Variants in SPAG16 observed in about 807,000 individuals in gnomAD.
SPAG16 encodes sperm-associated antigen 16 protein.
A neutral mutation model predicts 80.4 loss-of-function variants in SPAG16; 86 were observed. The ratio of observed to expected loss-of-function variants is 1.07; its 90% CI spans 0.90 to 1.28. The LOEUF is 1.28. Among genes scored for constraint, SPAG16 ranks in the 50% most tolerant of loss-of-function variants. The pLI, the probability that SPAG16 is intolerant of heterozygous loss-of-function variation, is 0.00. For synonymous variants in SPAG16, 294 were observed against 265.9 expected (o/e 1.11, Z -1.03); for missense variants, 870 against 765.3 (o/e 1.14, Z -1.61).
chr2:213,760,171 G>A (rs1173420415), intron 10 of SPAG16, among the ~76,000 whole-genome samples: 1 of 152,130 alleles, frequency 6.6e-6, no homozygotes. Flanking sequence ...AAAGATCTAT[G>A]TGTGTACAAG....
intron 15 of SPAG16, among the ~76,000 whole-genome samples, chr2:214,189,146 G>A (rs2057576273): frequency 1.3e-5 from 2 of 152,040 alleles, no homozygotes; most frequent in South Asian, 4.1e-4. Flanking sequence ...ACTCCTGTAA[G>A]CTTTTGGCGA....
rs998967320 is a variant in SPAG16, at chr2:213,372,856, A to G, written c.833-2154A>G. 3.3e-5 allele frequency among the ~76,000 whole-genome samples: 5 copies of G among 152,168 alleles called. 1 individual carries two copies. In the South Asian group the frequency reaches 1.0e-3, roughly 32 times the overall value. On this transcript the variant is annotated intron_variant, in intron 8 of 15. Transcript: ENST00000331683. ...TAAGTGCTCAATAAATATTTGTTAA[A>G]TTATGGTATTTATGTCTTTCTGATA...
chr2:213,639,591 G>T (rs1424034565), intron 10 of SPAG16, among the ~76,000 whole-genome samples: 2 of 152,114 alleles, frequency 1.3e-5, no homozygotes, highest in Non-Finnish European at 1.5e-5. Context: ...AGCTTACAGG[G>T]TTTCTGCTGA....
chr2:213,667,874 G>A (rs902491338), intron 10 of SPAG16, among the ~76,000 whole-genome samples: 1 of 151,804 alleles, frequency 6.6e-6, no homozygotes, highest in Non-Finnish European at 1.5e-5. Flanking sequence ...GGTACATAGG[G>A]TAGAGTACAT....
intron 9 of SPAG16, among the ~76,000 whole-genome samples, chr2:213,441,049 T>A (rs1010460744): frequency 6.6e-6 from 1 of 152,206 alleles, no homozygotes; most frequent in Admixed American, 6.5e-5. Context: ...ATGAATAAAT[T>A]GGCATAATTA....
chr2:213,640,920 A>G (rs1260152921), intron 10 of SPAG16, among the ~76,000 whole-genome samples: 2 of 151,786 alleles, frequency 1.3e-5, no homozygotes, highest in African/African-American at 4.9e-5. Flanking sequence ...CTGCAGTAGT[A>G]TAGAGGGGAT....
rs556406083 is a variant in SPAG16 at position 213,632,702 on chromosome 2, AC to A, written c.1070+142613del. On this transcript the variant is annotated intron_variant, in intron 10 of 15. Transcript: ENST00000331683. ...GAAGGAATGTTGAATTTTATCAAATACTTTTACAGCATCAATTGAAATGATC... is the reference window on the plus strand; with the variant it reads ...GAAGGAATGTTGAATTTTATCAAATATTTTACAGCATCAATTGAAATGATC... 1.5e-3 allele frequency among the ~76,000 whole-genome samples: 234 copies of A among 152,002 alleles called. 2 individuals are homozygous for A. Among genetic ancestry groups the A allele is most frequent in the African/African-American group, 5.2e-3 (215 of 41,416 alleles).
intron 9 of SPAG16, among the ~76,000 whole-genome samples, chr2:213,466,460 T>C (rs1207626139): frequency 6.6e-6 from 1 of 152,166 alleles, no homozygotes; most frequent in Non-Finnish European, 1.5e-5. Flanking sequence ...TTAGGTGATA[T>C]AAGGGATGAG....
chr2:214,379,597 C>T (rs1024771780), intron 15 of SPAG16, among the ~76,000 whole-genome samples: 6 of 152,220 alleles, frequency 3.9e-5, no homozygotes, highest in African/African-American at 1.2e-4. Context: ...AGACATCGGA[C>T]ATTCTCCAAA....
At chr2:213,324,621 A>G (rs987362726) in intron 5 of SPAG16, among the ~76,000 whole-genome samples, 1 of 152,182 alleles carries the variant, frequency 6.6e-6, no homozygotes, top group African/African-American at 2.4e-5. Context: ...ATTCTGTTGT[A>G]TAATGTATAC....
intron 13 of SPAG16, among the ~76,000 whole-genome samples, chr2:214,024,802 T>G (rs1042729927): frequency 6.6e-6 from 1 of 151,610 alleles, no homozygotes; most frequent in African/African-American, 2.4e-5. Context: ...TTTTTTGACT[T>G]ATTTGAATTA....
intron 10 of SPAG16, among the ~76,000 whole-genome samples, chr2:213,845,262 G>A (rs2662654): frequency 0.91 from 136,203 of 150,488 alleles, 63,218 homozygotes; most frequent in East Asian, 1. Flanking sequence ...CAGTGGCACA[G>A]TCTCGGCTCA....
intron 12 of SPAG16, among the ~76,000 whole-genome samples, chr2:213,987,715 A>G (rs1232139571): frequency 6.6e-6 from 1 of 151,510 alleles, no homozygotes; most frequent in Admixed American, 6.6e-5. Context: ...CACATTTTCA[A>G]AAGGTATGCA....
intron 15 of SPAG16, among the ~76,000 whole-genome samples, chr2:214,252,872 ACT>A (rs1297902352): frequency 1.3e-5 from 2 of 152,242 alleles, no homozygotes; most frequent in Middle Eastern, 3.4e-3. Flanking sequence ...AAATCGCCAC[ACT>A]GTCTTCCACA....
intron 15 of SPAG16, among the ~76,000 whole-genome samples, chr2:214,346,867 G>A (rs899689961): frequency 3.3e-5 from 5 of 152,046 alleles, no homozygotes; most frequent in African/African-American, 9.7e-5. Flanking sequence ...GATCTCTGTC[G>A]ACATCATTAA....
intron 15 of SPAG16, among the ~76,000 whole-genome samples, chr2:214,251,327 C>T (rs183683095): frequency 1.3e-4 from 20 of 151,552 alleles, no homozygotes; most frequent in Admixed American, 1.2e-3. Flanking sequence ...AGGTCAATTT[C>T]AAGAATTAAA....
intron 1 of SPAG16, among the ~76,000 whole-genome samples, chr2:213,292,677 AAAAAAAACAAAAAAAAAC>A (rs1559377346): frequency 3.9e-5 from 5 of 129,310 alleles, no homozygotes; most frequent in African/African-American, 1.5e-4. Flanking sequence ...AAAAAAAAAC[AAAAAAAACAAAAAAAAAC>A]AAAACTATCA....
intron 10 of SPAG16, among the ~76,000 whole-genome samples, chr2:213,589,051 A>C (rs1340210804): frequency 6.6e-6 from 1 of 152,120 alleles, no homozygotes; most frequent in Admixed American, 6.5e-5. Context: ...ATCATTATTT[A>C]TTAGGTTTTA....
chr2:214,112,130 T>C (rs1158126088), intron 14 of SPAG16, among the ~76,000 whole-genome samples: 2 of 152,102 alleles, frequency 1.3e-5, no homozygotes, highest in African/African-American at 4.8e-5. Context: ...TTTGAGTGAG[T>C]TTCTTAATCC....
Sources: allele counts gnomAD v4.1 joint callset (sites outside exome capture counted in the v4.1 genomes callset), GRCh38; gene constraint gnomAD v4.1.1; transcripts MANE v1.5; gene names NCBI Gene and HGNC (gene_info 2026-07-23, HGNC 2026-07-21).